The following ARHGAP28 variants were observed in gnomAD, a reference collection of about 807,000 sequenced individuals.
ARHGAP28 encodes the protein rho GTPase-activating protein 28.
In ARHGAP28, 56 loss-of-function variants were observed where a neutral mutation model predicts 90.7. The observed-to-expected ratio is 0.62, with a 90% confidence interval of 0.50 to 0.77. The LOEUF is 0.77. Ranked by LOEUF, ARHGAP28 falls within the 30% of genes least tolerant of loss-of-function variation. The probability of loss-of-function intolerance (pLI) is 0.00; values close to 1 mark genes in which losing one functional copy is unlikely to be tolerated. For synonymous variants in ARHGAP28, 308 were observed against 323.3 expected, an observed-to-expected ratio of 0.95 and a Z score of 0.51; for missense variants, 869 against 900.9, an observed-to-expected ratio of 0.96 and a Z score of 0.45.
chr18:6,794,341 A>G (rs1284672118), intron 1 of ARHGAP28, among the ~76,000 whole-genome samples: 1 of 152,234 alleles, frequency 6.6e-6, no homozygotes, highest in East Asian at 1.9e-4. Context: ...AAAACACTAG[A>G]GAAATTGTCC....
intron 1 of ARHGAP28, among the ~76,000 whole-genome samples, chr18:6,792,362 A>G (rs1337030069): frequency 6.6e-6 from 1 of 152,216 alleles, no homozygotes; most frequent in Non-Finnish European, 1.5e-5. Flanking sequence ...GCTGAGCAAA[A>G]AAGTACATTG....
Position 6,912,166 on chromosome 18 carries a change from G to A in ARHGAP28, c.*12G>A. The A allele has an allele frequency of 2.0e-6, 3 of 1,500,556 alleles. No homozygotes were observed. The highest frequency in any genetic ancestry group is 2.8e-6 in the Non-Finnish European group (3 of 1,082,820). 93.0% of individuals were successfully genotyped at this position (1,500,556 alleles called of 1,614,324 possible). A position where few individuals can be genotyped will look rare whatever the true frequency, so the allele number is the denominator to read the frequency against. ...AACAAAGTTCTTAAAATATCCTCGAGAGAGCTGCTATCATGTATTATATGC... is the reference window on the plus strand; with the variant it reads ...AACAAAGTTCTTAAAATATCCTCGAAAGAGCTGCTATCATGTATTATATGC... On this transcript the variant is annotated 3_prime_UTR_variant, in exon 18 of 18. Coordinates refer to ENST00000383472, the MANE Select transcript of ARHGAP28 (RefSeq NM_001366230.1).
At chr18:6,796,297 G>A (rs146900270) in intron 1 of ARHGAP28, among the ~76,000 whole-genome samples, 151 of 151,928 alleles carry the variant, frequency 9.9e-4, no homozygotes, top group African/African-American at 3.2e-3. Flanking sequence ...TTTTCAGAGC[G>A]TATTGAGACC....
intron 1 of ARHGAP28, among the ~76,000 whole-genome samples, chr18:6,753,651 ATATT>A (rs2056087163): frequency 6.6e-6 from 1 of 152,278 alleles, no homozygotes; most frequent in African/African-American, 2.4e-5. Context: ...TGAAAAGATA[ATATT>A]TGGTGAAATT....
intron 4 of ARHGAP28, among the ~76,000 whole-genome samples, chr18:6,855,042 G>T (rs1383062308): frequency 6.6e-6 from 1 of 152,212 alleles, no homozygotes; most frequent in Non-Finnish European, 1.5e-5. Context: ...GGCCGAGGTG[G>T]GTGCTGAGGG....
At chr18:6,881,985 C>A in intron 10 of ARHGAP28, 152 bp from the exon 11 acceptor site, 1 of 556,208 alleles carries the variant, frequency 1.8e-6, no homozygotes, top group Non-Finnish European at 3.0e-6. Context: ...TAGCTATTTG[C>A]CTTAATCATG....
chr18:6,787,547 A>G (rs183813655), intron 1 of ARHGAP28, among the ~76,000 whole-genome samples: 2 of 152,218 alleles, frequency 1.3e-5, no homozygotes, highest in Non-Finnish European at 2.9e-5. Context: ...TCTAGGCCCT[A>G]CCCCCGGAAA....
Position 6,752,995 on chromosome 18 carries a change from A to G in ARHGAP28, c.122+23052A>G, listed in dbSNP as rs192898527. 9.2e-5 allele frequency among the ~76,000 whole-genome samples: 14 copies of G among 152,080 alleles called. No homozygotes were observed. The East Asian group carries it at 2.5e-3, about 27-fold the overall frequency. ...CTATAAATACTACGTAGGGGTTTTA[A>G]TGAAGTATTAATAGACCCTCAAGCT... On this transcript the variant is annotated intron_variant, in intron 1 of 17. Coordinates refer to ENST00000383472, the MANE Select transcript of ARHGAP28 (RefSeq NM_001366230.1).
intron 1 of ARHGAP28, among the ~76,000 whole-genome samples, chr18:6,805,479 CTTTTTTTTTTT>C (rs756550297): frequency 1.8e-4 from 18 of 97,572 alleles, no homozygotes; most frequent in African/African-American, 3.1e-4. Context: ...TAACCTTTGC[CTTTTTTTTTTT>C]TTTTTTTTTT....
intron 1 of ARHGAP28, among the ~76,000 whole-genome samples, chr18:6,749,163 A>G (rs1315873047): frequency 6.6e-6 from 1 of 152,262 alleles, no homozygotes; most frequent in Non-Finnish European, 1.5e-5. Flanking sequence ...AGTGCAAACA[A>G]GTGATCTGAT....
intron 1 of ARHGAP28, chr18:6,789,926 A>G (rs1177892279): frequency 6.6e-6 from 1 of 151,606 alleles, no homozygotes; most frequent in East Asian, 1.9e-4. Flanking sequence ...CTCCCAGGTT[A>G]AAGTGATTCT....
intron 16 of ARHGAP28, among the ~76,000 whole-genome samples, chr18:6,901,339 T>C (rs2057337142): frequency 6.6e-6 from 1 of 152,116 alleles, no homozygotes; most frequent in Non-Finnish European, 1.5e-5. Context: ...TTAAGACAAT[T>C]ACATTTTAAA....
chr18:6,813,779 G>C (rs1007994002), intron 1 of ARHGAP28, among the ~76,000 whole-genome samples: 1 of 152,054 alleles, frequency 6.6e-6, no homozygotes, highest in South Asian at 2.1e-4. Context: ...ATAATTAGCT[G>C]TGTCATTTTG....
intron 3 of ARHGAP28, among the ~76,000 whole-genome samples, chr18:6,841,180 C>CTTT (rs1491103592): frequency 3.5e-5 from 2 of 57,064 alleles, no homozygotes; most frequent in Non-Finnish European, 6.3e-5. Context: ...CTCTCTCTCT[C>CTTT]CTCTCTCTCT....
At chr18:6,860,208 C>T (rs2056986957) in intron 5 of ARHGAP28, among the ~76,000 whole-genome samples, 2 of 152,136 alleles carry the variant, frequency 1.3e-5, no homozygotes, top group African/African-American at 4.8e-5. Context: ...AGAAAAATCC[C>T]AGAGGTTTGA....
chr18:6,853,656 G>T (rs1435755069), intron 4 of ARHGAP28, among the ~76,000 whole-genome samples: 1 of 152,030 alleles, frequency 6.6e-6, no homozygotes, highest in Non-Finnish European at 1.5e-5. Flanking sequence ...TGTATTTTTA[G>T]TAGAGACAGG....
intron 5 of ARHGAP28, among the ~76,000 whole-genome samples, chr18:6,864,262 C>T (rs922710592): frequency 6.6e-6 from 1 of 152,036 alleles, no homozygotes; most frequent in Non-Finnish European, 1.5e-5. Context: ...GACTGGGTTT[C>T]ACCATATTAG....
intron 1 of ARHGAP28, among the ~76,000 whole-genome samples, chr18:6,799,113 G>A (rs2056463455): frequency 6.6e-6 from 1 of 152,160 alleles, no homozygotes; most frequent in African/African-American, 2.4e-5. Context: ...ACTGACTTCA[G>A]TTCTTGGTTT....
intron 10 of ARHGAP28, among the ~76,000 whole-genome samples, chr18:6,879,411 G>A (rs1165995495): frequency 6.6e-6 from 1 of 152,084 alleles, no homozygotes; most frequent in African/African-American, 2.4e-5. Flanking sequence ...TTTTGCTGAA[G>A]GGAGATTTAA....
Sources: gnomAD v4.1 joint callset for allele counts (sites outside exome capture counted in the v4.1 genomes callset) on GRCh38, gnomAD v4.1.1 for gene constraint, MANE v1.5 for transcripts, NCBI Gene and HGNC (gene_info 2026-07-23, HGNC 2026-07-21) for gene names.